The following NDST3 variants were observed in gnomAD, a reference collection of about 807,000 sequenced individuals.
The protein encoded by NDST3 is bifunctional heparan sulfate N-deacetylase/N-sulfotransferase 3.
A neutral mutation model predicts 96.1 loss-of-function variants in NDST3; 58 were observed. The ratio of observed to expected loss-of-function variants is 0.60; its 90% CI spans 0.49 to 0.75. The LOEUF is 0.75. Among genes scored for constraint, NDST3 ranks in the 30% least tolerant of loss-of-function variants. The probability of loss-of-function intolerance (pLI) is 0.00; values close to 1 mark genes in which losing one functional copy is unlikely to be tolerated. For synonymous variants in NDST3, 333 were observed against 359.7 expected, an observed-to-expected ratio of 0.93 and a Z score of 0.84; for missense variants, 788 against 1,034.2, an observed-to-expected ratio of 0.76 and a Z score of 3.27.
At position 118,194,703 on chromosome 4, in the gene NDST3, GC is replaced by G. The variant is rs544731863; in HGVS notation, c.1540-29787del. ...ATGTCCACTCCCTCCATGGGAAGAG[GC>G]GCCAACTGTGTCCCATTCTCAGTCT... On this transcript the variant is annotated intron_variant, in intron 6 of 13. Coordinates refer to ENST00000296499, the MANE Select transcript of NDST3 (RefSeq NM_004784.3). 1.7e-4 allele frequency: 95 copies of G among 571,428 alleles called. No homozygotes were observed. The East Asian group carries it at 3.0e-3, about 18-fold the overall frequency. The allele number at this position is 571,428 out of a possible 1,614,324, so 35.4% of individuals were successfully genotyped here.
chr4:118,194,159 A>C, intron 6 of NDST3: 1 of 851,510 alleles, frequency 1.2e-6, no homozygotes. Flanking sequence ...CATGCACTGA[A>C]TGGCCCTCTC....
intron 6 of NDST3, among the ~76,000 whole-genome samples, chr4:118,161,282 T>G (rs983687667): frequency 2.6e-5 from 4 of 152,166 alleles, no homozygotes; most frequent in Non-Finnish European, 4.4e-5. Context: ...CTGCCCCTAC[T>G]GGGGGATGCC....
rs1387885959 is a variant in NDST3, at chr4:118,257,874, A to G, written c.*2162A>G. 2 of 152,202 alleles carry G rather than the reference A, an allele frequency of 1.3e-5. No homozygotes were observed. The highest frequency in any genetic ancestry group is 2.9e-5 in the Non-Finnish European group (2 of 68,034). 9.4% of individuals were successfully genotyped at this position (152,202 alleles called of 1,614,324 possible). On this transcript the variant is annotated 3_prime_UTR_variant, in exon 14 of 14. Coordinates refer to ENST00000296499, the MANE Select transcript of NDST3 (RefSeq NM_004784.3). ...CAGCAGATGCCAGACATGCTAGGAA[A>G]ATTACTATAGTCTTCCATCTCCACC...
chr4:118,073,659 C>CA (rs1229930014), intron 2 of NDST3, among the ~76,000 whole-genome samples: 4 of 151,648 alleles, frequency 2.6e-5, no homozygotes, highest in African/African-American at 9.7e-5. Flanking sequence ...TTTATTTTTT[C>CA]AAAAAACTAA....
intron 6 of NDST3, among the ~76,000 whole-genome samples, chr4:118,166,451 T>G (rs1265425917): frequency 1.3e-5 from 2 of 151,864 alleles, no homozygotes; most frequent in Non-Finnish European, 2.9e-5. Flanking sequence ...CAGATGTCTT[T>G]ACTGGTGACT....
intron 6 of NDST3, among the ~76,000 whole-genome samples, chr4:118,171,825 T>C (rs1327193882): frequency 6.6e-6 from 1 of 152,144 alleles, no homozygotes. Flanking sequence ...TCTTGCAAAC[T>C]AGCAAACCTA....
intron 2 of NDST3, among the ~76,000 whole-genome samples, chr4:118,081,549 A>G (rs1237798928): frequency 6.6e-6 from 1 of 152,152 alleles, no homozygotes; most frequent in African/African-American, 2.4e-5. Flanking sequence ...ATGTAACAGG[A>G]GGGATTTCTT....
intron 6 of NDST3, among the ~76,000 whole-genome samples, chr4:118,157,717 C>G (rs1482475246): frequency 6.6e-6 from 1 of 152,064 alleles, no homozygotes; most frequent in Non-Finnish European, 1.5e-5. Flanking sequence ...CCACCTAGCC[C>G]AGCCTATAGC....
At chr4:118,073,500 T>C (rs1003743040) in intron 2 of NDST3, among the ~76,000 whole-genome samples, 2 of 152,122 alleles carry the variant, frequency 1.3e-5, no homozygotes, top group African/African-American at 4.8e-5. Flanking sequence ...GTATTCTAGT[T>C]TTTGTGGATA....
intron 12 of NDST3, 69 bp downstream of exon 12, chr4:118,242,218 G>GAAAAAA: frequency 9.3e-7 from 1 of 1,078,104 alleles, no homozygotes; most frequent in Admixed American, 2.0e-5. Context: ...ATTGCAGTTT[G>GAAAAAA]GTCATACAAC....
intron 1 of NDST3, among the ~76,000 whole-genome samples, chr4:118,040,883 TTATATATA>T: frequency 7.0e-6 from 1 of 141,894 alleles, no homozygotes; most frequent in Non-Finnish European, 1.5e-5. Flanking sequence ...ATATATATAT[TTATATATA>T]TATATATTTA....
intron 6 of NDST3, among the ~76,000 whole-genome samples, chr4:118,170,226 GC>G (rs1735844337): frequency 6.6e-6 from 1 of 152,124 alleles, no homozygotes; most frequent in Non-Finnish European, 1.5e-5. Flanking sequence ...CAACAATGAG[GC>G]AGTTGGGGAA....
intron 4 of NDST3, among the ~76,000 whole-genome samples, chr4:118,122,624 C>T (rs1731696395): frequency 6.6e-6 from 1 of 152,160 alleles, no homozygotes; most frequent in African/African-American, 2.4e-5. Context: ...CCCAATTTCC[C>T]GTTTTTTTCC....
chr4:118,078,435 T>C (rs923799265), intron 2 of NDST3, among the ~76,000 whole-genome samples: 3 of 152,160 alleles, frequency 2.0e-5, no homozygotes, highest in African/African-American at 7.2e-5. Flanking sequence ...GAATATAATA[T>C]TCCTGCTGAA....
chr4:118,068,513 T>G (rs1334287770), intron 2 of NDST3, among the ~76,000 whole-genome samples: 1 of 152,114 alleles, frequency 6.6e-6, no homozygotes, highest in East Asian at 1.9e-4. Flanking sequence ...ACAATTTTCA[T>G]GAGTTTCCAA....
chr4:118,132,733 C>G (rs1482736855), intron 4 of NDST3, among the ~76,000 whole-genome samples: 1 of 152,164 alleles, frequency 6.6e-6, no homozygotes, highest in East Asian at 1.9e-4. Context: ...CTGGCTATCA[C>G]TGATGGTTAT....
In NDST3 at chr4:118,211,644, G is replaced by C. The variant is rs561276311; in HGVS notation, c.1540-12847G>C. On this transcript the variant is annotated intron_variant, in intron 6 of 13. Transcript: ENST00000296499. ...GGGTTCAGACTAGAAGGAGCACAGG[G>C]GTTGGCTCTGGCACTTTCCTTTCCT... Among the ~76,000 whole-genome samples, 20 of 152,174 alleles carry C rather than the reference G, an allele frequency of 1.3e-4. No individual in the cohort carries two copies. The South Asian group carries it at 3.7e-3, about 28-fold the overall frequency.
chr4:118,166,207 A>C (rs1421399271), intron 6 of NDST3, among the ~76,000 whole-genome samples: 1 of 151,870 alleles, frequency 6.6e-6, no homozygotes, highest in African/African-American at 2.4e-5. Context: ...ATAAAATTGG[A>C]AATGAAAGAG....
chr4:118,196,663 A>G (rs1277217186), intron 6 of NDST3, among the ~76,000 whole-genome samples: 4 of 152,040 alleles, frequency 2.6e-5, no homozygotes, highest in Non-Finnish European at 5.9e-5. Context: ...AGAAATTATC[A>G]TATGAATTTC....
Sources: allele counts gnomAD v4.1 joint callset (sites outside exome capture counted in the v4.1 genomes callset), GRCh38; gene constraint gnomAD v4.1.1; transcripts MANE v1.5; gene names NCBI Gene and HGNC (gene_info 2026-07-23, HGNC 2026-07-21).